ANKRD31: variants seen among roughly 807,000 people sequenced by gnomAD.
ANKRD31 encodes the protein ankyrin repeat domain 31, also known as ankyrin repeat domain-containing protein 31.
ANKRD31 carries 147 observed loss-of-function variants against 186.0 expected under a neutral mutation model. The ratio of observed to expected loss-of-function variants is 0.79; its 90% CI spans 0.69 to 0.91. ANKRD31 has a LOEUF of 0.91. ANKRD31 is among the 40% of genes least tolerant of loss of function. The pLI is 0.00. For missense variants in ANKRD31, 1,986 were observed against 2,148.8 expected (o/e 0.92, Z 1.50); for synonymous variants, 673 against 736.4 (o/e 0.91, Z 1.39).
intron 7 of ANKRD31, 71 bp downstream of exon 7, chr5:75,195,560 T>C: frequency 7.7e-7 from 1 of 1,292,882 alleles, no homozygotes; most frequent in Non-Finnish European, 1.0e-6. Flanking sequence ...TGAAAGATGC[T>C]TGTCCTATAG....
chr5:75,116,580 C>G lies in ANKRD31; in HGVS notation c.4141G>C (p.Glu1381Gln), dbSNP rs1350898736. ...SSLSHQERSR[E>Q]SLSVHQTLSA... ...ACTTCACTCACCACAGAAAGGCTTT[C>G]TCTTGATCTTTCTTGGTGTGAAAGG... Residue 1381 changes from glutamate (E) to glutamine (Q), a missense_variant, in exon 19 of 26, where the codon GAA (glutamate) becomes CAA (glutamine). Glu to Gln is a conservative substitution (Grantham distance 29). Coordinates refer to ENST00000506364, the MANE Select transcript of ANKRD31 (RefSeq NM_001372053.1). 3 of 1,438,280 alleles carry G rather than the reference C, an allele frequency of 2.1e-6. No homozygotes were observed. In the South Asian group the frequency reaches 4.7e-5, roughly 23 times the overall value. The allele number at this position is 1,438,280 out of a possible 1,614,324, so 89.1% of individuals were successfully genotyped here.
chr5:75,218,535 A>G (rs1008102818), intron 3 of ANKRD31, among the ~76,000 whole-genome samples: 8 of 152,136 alleles, frequency 5.3e-5, no homozygotes, highest in Admixed American at 5.2e-4. Context: ...AGCTGGTGCC[A>G]TTTCTACTGA....
chr5:75,093,354 C>T (rs1043608151), intron 22 of ANKRD31, among the ~76,000 whole-genome samples: 15 of 151,900 alleles, frequency 9.9e-5, no homozygotes, highest in African/African-American at 3.4e-4. Context: ...TGGTGGCAAG[C>T]TCCTGTAATT....
At chr5:75,235,975 A>G (rs975659705) in intron 1 of ANKRD31, among the ~76,000 whole-genome samples, 1 of 152,222 alleles carries the variant, frequency 6.6e-6, no homozygotes, top group African/African-American at 2.4e-5. Context: ...AATTCTGTGT[A>G]CGATCCAACT....
intron 7 of ANKRD31, 113 bp from the exon 8 acceptor site, chr5:75,193,704 A>C: frequency 1.1e-6 from 1 of 913,340 alleles, no homozygotes; most frequent in Non-Finnish European, 1.6e-6. Context: ...CTATTATAGG[A>C]TCCAAGTACA....
intron 17 of ANKRD31, among the ~76,000 whole-genome samples, chr5:75,120,982 A>T (rs977618350): frequency 2.0e-5 from 3 of 152,150 alleles, no homozygotes; most frequent in African/African-American, 7.2e-5. Context: ...CAGGAGTTTG[A>T]GACCAGCCTG....
intron 20 of ANKRD31, among the ~76,000 whole-genome samples, chr5:75,108,373 T>G (rs1747504223): frequency 6.6e-6 from 1 of 152,170 alleles, no homozygotes; most frequent in Non-Finnish European, 1.5e-5. Context: ...GCTTTCCAAG[T>G]AAAGGCATAA....
intron 10 of ANKRD31, among the ~76,000 whole-genome samples, chr5:75,187,100 T>A (rs1239820010): frequency 1.7e-5 from 2 of 117,874 alleles, no homozygotes; most frequent in Non-Finnish European, 3.5e-5. Flanking sequence ...ACATTGCCGG[T>A]GATTCTGTTT....
chr5:75,147,569 G>T, intron 13 of ANKRD31, 64 bp from the exon 14 acceptor site: 1 of 1,013,448 alleles, frequency 9.9e-7, no homozygotes, highest in South Asian at 2.4e-5. Flanking sequence ...AATTCAATCT[G>T]GATTATTGAT....
rs574799493 is a variant in ANKRD31, at chr5:75,104,581, T to C, written c.4978A>G (p.Asn1660Asp). The change falls in exon 22 of 26, where the codon AAT becomes GAT. Residue 1660 changes from asparagine (N) to aspartate (D), a missense_variant. Asn to Asp is a conservative substitution (Grantham distance 23). Coordinates refer to ENST00000506364, the MANE Select transcript of ANKRD31 (RefSeq NM_001372053.1). ...VLAENAAHPS[N>D]IICDQDLSNY... ...GAAAGGTCCTGATCACAAATAATATTTGATGGATGGGCAGCATTTTCGGCA... is the reference window on the plus strand; with the variant it reads ...GAAAGGTCCTGATCACAAATAATATCTGATGGATGGGCAGCATTTTCGGCA... The C allele has an allele frequency of 2.6e-6, 4 of 1,536,284 alleles. No homozygotes were observed. The highest frequency in any genetic ancestry group is 2.0e-5 in the Admixed American group (1 of 50,848).
chr5:75,188,846 A>G (rs1167714177), intron 9 of ANKRD31, among the ~76,000 whole-genome samples, 198 bp from the exon 10 acceptor site: 1 of 152,204 alleles, frequency 6.6e-6, no homozygotes, highest in Admixed American at 6.6e-5. Flanking sequence ...ACATACAAAA[A>G]GGAAAAAGAG....
chr5:75,199,845 G>T (rs1366335565), intron 5 of ANKRD31, among the ~76,000 whole-genome samples, 171 bp from the exon 6 acceptor site: 1 of 151,968 alleles, frequency 6.6e-6, no homozygotes, highest in Admixed American at 6.6e-5. Flanking sequence ...TTTTGGAAAT[G>T]AAATTATAAA....
At chr5:75,227,782 G>A (rs1757719236) in intron 2 of ANKRD31, among the ~76,000 whole-genome samples, 1 of 152,154 alleles carries the variant, frequency 6.6e-6, no homozygotes, top group African/African-American at 2.4e-5. Context: ...TATGAACCAG[G>A]CTGCACCGCA....
intron 10 of ANKRD31, among the ~76,000 whole-genome samples, chr5:75,183,963 G>A (rs1406272359): frequency 2.0e-5 from 3 of 151,962 alleles, no homozygotes; most frequent in Admixed American, 6.6e-5. Flanking sequence ...GCAACCTTGA[G>A]CAAAAAATTT....
chr5:75,153,793 A>G (rs75409459), intron 12 of ANKRD31, among the ~76,000 whole-genome samples: 33 of 152,280 alleles, frequency 2.2e-4, no homozygotes, highest in Non-Finnish European at 3.8e-4. Context: ...GTTCAATTTA[A>G]TAGAGCAGTG....
intron 3 of ANKRD31, among the ~76,000 whole-genome samples, chr5:75,218,142 A>G (rs567810883): frequency 6.6e-6 from 1 of 152,288 alleles, no homozygotes; most frequent in East Asian, 1.9e-4. Context: ...ACAAAAGATC[A>G]ACAAATCCAG....
At chr5:75,108,335 A>G (rs951210709) in intron 20 of ANKRD31, among the ~76,000 whole-genome samples, 47 of 152,070 alleles carry the variant, frequency 3.1e-4, no homozygotes, top group Admixed American at 3.1e-3. Flanking sequence ...TACAATAATT[A>G]CTTAAATTTT....
intron 17 of ANKRD31, among the ~76,000 whole-genome samples, chr5:75,136,095 A>G (rs571864616): frequency 1.3e-5 from 2 of 152,382 alleles, no homozygotes; most frequent in Admixed American, 1.3e-4. Flanking sequence ...TTCAGGACAT[A>G]GGCATGGGCA....
intron 20 of ANKRD31, among the ~76,000 whole-genome samples, chr5:75,108,711 CT>C (rs1289507410): frequency 6.6e-6 from 1 of 152,062 alleles, no homozygotes; most frequent in Non-Finnish European, 1.5e-5. Flanking sequence ...AGAGCAGTTT[CT>C]ATTGCCCTAA....
Sources: allele counts gnomAD v4.1 joint callset (sites outside exome capture counted in the v4.1 genomes callset), GRCh38; gene constraint gnomAD v4.1.1; transcripts MANE v1.5; gene names NCBI Gene and HGNC (gene_info 2026-07-23, HGNC 2026-07-21).